The following ALPK1 variants were observed in gnomAD, a reference collection of about 807,000 sequenced individuals.
The protein encoded by ALPK1 is alpha kinase 1.
In ALPK1, 110 loss-of-function variants were observed where a neutral mutation model predicts 120.6. That is an observed-to-expected ratio of 0.91 (90% confidence interval 0.78 to 1.07). The LOEUF is 1.07. Ranked by LOEUF, ALPK1 falls within the 50% of genes least tolerant of loss-of-function variation. The pLI, the probability that ALPK1 is intolerant of heterozygous loss-of-function variation, is 0.00. For synonymous variants in ALPK1, 582 were observed against 560.3 expected, an observed-to-expected ratio of 1.04 and a Z score of -0.55; for missense variants, 1,498 against 1,483.9, an observed-to-expected ratio of 1.01 and a Z score of -0.16.
At chr4:112,427,966 T>C (rs558361316) in intron 9 of ALPK1, 1 of 222,744 alleles carries the variant, frequency 4.5e-6, no homozygotes, top group East Asian at 9.2e-5. Context: ...TATAACAAAA[T>C]GCAGTTTCCA....
chr4:112,380,132 T>TA (rs1181981880), intron 3 of ALPK1, among the ~76,000 whole-genome samples: 10 of 152,178 alleles, frequency 6.6e-5, no homozygotes, highest in African/African-American at 2.2e-4. Flanking sequence ...GGAGCACTGT[T>TA]AATAAGGACC....
intron 2 of ALPK1, among the ~76,000 whole-genome samples, chr4:112,369,031 C>G (rs200343837): frequency 7.9e-6 from 1 of 127,372 alleles, no homozygotes; most frequent in Non-Finnish European, 1.7e-5. Flanking sequence ...GCCTTTACTT[C>G]TTTTTTTGTT....
At chr4:112,358,739 G>C (rs756266573) in intron 2 of ALPK1, 1 of 795,812 alleles carries the variant, frequency 1.3e-6, no homozygotes, top group Non-Finnish European at 2.3e-6. Flanking sequence ...TCAGCCACTC[G>C]GAGGAGCCCG....
chr4:112,357,770 T>C, intron 2 of ALPK1: 1 of 1,086,498 alleles, frequency 9.2e-7, no homozygotes, highest in Non-Finnish European at 1.4e-6. Context: ...ATCGCCCGCA[T>C]GGTGCCCTAT....
intron 1 of ALPK1, among the ~76,000 whole-genome samples, chr4:112,314,628 G>C (rs56219945): frequency 0.085 from 12,875 of 152,150 alleles, 836 homozygotes; most frequent in Admixed American, 0.21. Flanking sequence ...AGTGATCCAG[G>C]AGCCAAAATG....
At chr4:112,340,334 A>G (rs1729803201) in intron 2 of ALPK1, among the ~76,000 whole-genome samples, 1 of 152,258 alleles carries the variant, frequency 6.6e-6, no homozygotes, top group South Asian at 2.1e-4. Flanking sequence ...TGTCTCTTGC[A>G]CGGTGGGAAA....
At chr4:112,358,309 C>T (rs1433886639) in intron 2 of ALPK1, 17 of 604,142 alleles carry the variant, frequency 2.8e-5, no homozygotes, top group East Asian at 3.5e-5. Context: ...TCGGCCATGT[C>T]ATCCAAGACG....
Position 112,430,973 on chromosome 4 carries a change from A to G in ALPK1, c.1426A>G (p.Asn476Asp). 6.2e-7 allele frequency: 1 copy of G among 1,613,826 alleles called. No individual in the cohort carries two copies. Among genetic ancestry groups the G allele is most frequent in the Non-Finnish European group, 8.5e-7 (1 of 1,179,750 alleles). The change falls in exon 11 of 16, where the codon AAC (asparagine) becomes GAC (aspartate). Residue 476 changes from asparagine (N) to aspartate (D), a missense_variant. By Grantham distance (23) the Asn-to-Asp change is conservative. Coordinates refer to ENST00000650871, the MANE Select transcript of ALPK1 (RefSeq NM_025144.4). ...VCEVFESDCG[N>D]NKNEQKDAKT... is the part of the protein sequence containing the mutation. ...TGAAGTATTTGAAAGTGATTGTGGA[A>G]ACAACAAAAATGAACAGAAAGATGC...
At position 112,313,824 on chromosome 4, in the gene ALPK1, G is replaced by A. The variant is rs576382336; in HGVS notation, c.-152-1977G>A. ...GTTTCAGTGGCATAATGGGACAAAA[G>A]TCTAATTAGAATGCGTTTAAAAGAG... On this transcript the variant is annotated intron_variant, in intron 1 of 15. Transcript: ENST00000650871. Among the ~76,000 whole-genome samples the A allele has an allele frequency of 2.6e-5, 4 of 152,318 alleles. No individual in the cohort carries two copies. The South Asian group carries it at 8.3e-4, about 32-fold the overall frequency.
intron 12 of ALPK1, among the ~76,000 whole-genome samples, chr4:112,436,194 A>G (rs1470625444): frequency 6.6e-6 from 1 of 152,222 alleles, no homozygotes; most frequent in Non-Finnish European, 1.5e-5. Context: ...TGAAAAGATT[A>G]TTGATTATTA....
intron 5 of ALPK1, among the ~76,000 whole-genome samples, chr4:112,420,914 C>T (rs1363071565): frequency 2.0e-5 from 3 of 152,120 alleles, no homozygotes; most frequent in African/African-American, 7.2e-5. Flanking sequence ...CTCACTGCAA[C>T]CTACAACTCC....
intron 1 of ALPK1, among the ~76,000 whole-genome samples, chr4:112,303,987 A>G (rs1350438706): frequency 6.6e-6 from 1 of 151,988 alleles, no homozygotes; most frequent in Non-Finnish European, 1.5e-5. Context: ...CCTATGAGTG[A>G]GAACATGGGG....
intron 4 of ALPK1, among the ~76,000 whole-genome samples, chr4:112,387,804 G>A (rs1052140907): frequency 6.6e-6 from 1 of 152,026 alleles, no homozygotes; most frequent in Admixed American, 6.6e-5. Flanking sequence ...TTAAGTTCAG[G>A]GCTACACATG....
At chr4:112,437,055 G>A (rs1191633063) in intron 12 of ALPK1, among the ~76,000 whole-genome samples, 1 of 152,134 alleles carries the variant, frequency 6.6e-6, no homozygotes, top group Non-Finnish European at 1.5e-5. Context: ...GAAGCTGGAA[G>A]GCAGGTAGTC....
chr4:112,384,171 A>C (rs1732048828), intron 4 of ALPK1: 1 of 152,250 alleles, frequency 6.6e-6, no homozygotes, highest in Non-Finnish European at 1.5e-5. Flanking sequence ...GGAAGAACAG[A>C]CCAGTAAGTG....
At chr4:112,390,346 C>A (rs139282647) in intron 4 of ALPK1, among the ~76,000 whole-genome samples, 2 of 152,194 alleles carry the variant, frequency 1.3e-5, no homozygotes, top group Non-Finnish European at 1.5e-5. Flanking sequence ...TCAGGGAAGC[C>A]TGCCCTGATC....
intron 4 of ALPK1, among the ~76,000 whole-genome samples, chr4:112,390,164 C>G (rs1395652091): frequency 6.6e-6 from 1 of 152,208 alleles, no homozygotes; most frequent in African/African-American, 2.4e-5. Context: ...ATAGTCCTTC[C>G]CTTGGCTGCC....
chr4:112,428,835 C>T (rs1734391396), intron 9 of ALPK1, among the ~76,000 whole-genome samples: 2 of 152,186 alleles, frequency 1.3e-5, no homozygotes, highest in South Asian at 4.1e-4. Flanking sequence ...AATTAAAGGG[C>T]TCTTTGCCAA....
chr4:112,436,825 C>A (rs1174260525), intron 12 of ALPK1, among the ~76,000 whole-genome samples: 1 of 152,018 alleles, frequency 6.6e-6, no homozygotes, highest in Non-Finnish European at 1.5e-5. Flanking sequence ...CCAGAGTATA[C>A]CATAGGAGGA....
Sources: allele counts gnomAD v4.1 joint callset (sites outside exome capture counted in the v4.1 genomes callset), GRCh38; gene constraint gnomAD v4.1.1; transcripts MANE v1.5; gene names NCBI Gene and HGNC (gene_info 2026-07-23, HGNC 2026-07-21).